ATE1: variants seen among roughly 807,000 people sequenced by gnomAD.
ATE1 encodes the protein arginyl-tRNA--protein transferase 1.
A neutral mutation model predicts 70.5 loss-of-function variants in ATE1; 36 were observed. That is an observed-to-expected ratio of 0.51 (90% confidence interval 0.39 to 0.67). The LOEUF (loss-of-function observed/expected upper bound fraction) is 0.67. Among genes scored for constraint, ATE1 ranks in the 30% least tolerant of loss-of-function variants. The pLI is 0.00. For synonymous variants in ATE1, 232 were observed against 219.3 expected (o/e 1.06, Z -0.51); for missense variants, 593 against 629.5 (o/e 0.94, Z 0.62).
At chr10:121,914,993 G>A (rs1490113464) in intron 3 of ATE1, among the ~76,000 whole-genome samples, 5 of 152,112 alleles carry the variant, frequency 3.3e-5, no homozygotes, top group Admixed American at 2.6e-4. Flanking sequence ...AAGACCCACA[G>A]TAAACCAAAC....
chr10:121,907,634 T>C (rs1419012145), intron 5 of ATE1, among the ~76,000 whole-genome samples: 1 of 151,426 alleles, frequency 6.6e-6, no homozygotes, highest in African/African-American at 2.4e-5. Flanking sequence ...ATTAGCATGG[T>C]GGTGGGCGCC....
At chr10:121,840,568 T>C (rs576643701) in intron 9 of ATE1, among the ~76,000 whole-genome samples, 1 of 152,156 alleles carries the variant, frequency 6.6e-6, no homozygotes, top group South Asian at 2.1e-4. Context: ...CTTAAATAAA[T>C]GTATAAACAA....
At chr10:121,870,744 T>C (rs1949825499) in intron 7 of ATE1, among the ~76,000 whole-genome samples, 1 of 152,120 alleles carries the variant, frequency 6.6e-6, no homozygotes, top group South Asian at 2.1e-4. Context: ...ATAAACATAT[T>C]ATAGAGGGGG....
intron 10 of ATE1, among the ~76,000 whole-genome samples, chr10:121,803,435 C>G (rs1946973121): frequency 6.6e-6 from 1 of 152,166 alleles, no homozygotes; most frequent in African/African-American, 2.4e-5. Flanking sequence ...GAACCACAAT[C>G]TTAATATTCT....
intron 10 of ATE1, among the ~76,000 whole-genome samples, chr10:121,820,315 T>C (rs1947743294): frequency 6.6e-6 from 1 of 152,166 alleles, no homozygotes; most frequent in Non-Finnish European, 1.5e-5. Flanking sequence ...TTTTGAAGCA[T>C]GCTAGAAACC....
chr10:121,912,935 A>G lies in ATE1; in HGVS notation c.337+855T>C, dbSNP rs1289662813. 2.2e-5 allele frequency among the ~76,000 whole-genome samples: 3 copies of G among 137,750 alleles called. No individual in the cohort carries two copies. The East Asian group carries it at 6.8e-4, about 31-fold the overall frequency. The allele number at this position is 137,750 out of a possible 152,430, so 90.4% of individuals were successfully genotyped here. A position where few individuals can be genotyped will look rare whatever the true frequency, so the allele number is the denominator to read the frequency against. ...TGCTCTGTCACCCACGCTGGAGTGC[A>G]GTGGCACAATGTCGGCTCACTGCAA... On this transcript the variant is annotated intron_variant, in intron 4 of 11. Transcript: ENST00000224652.
intron 9 of ATE1, among the ~76,000 whole-genome samples, chr10:121,839,237 T>C (rs73364419): frequency 0.033 from 4,971 of 152,262 alleles, 155 homozygotes; most frequent in African/African-American, 0.082. Context: ...TACAAGGTGA[T>C]CAATAGAACT....
chr10:121,799,698 G>A (rs1178748664), intron 10 of ATE1, among the ~76,000 whole-genome samples: 1 of 152,174 alleles, frequency 6.6e-6, no homozygotes, highest in East Asian at 1.9e-4. Context: ...CTGAACAAAT[G>A]CCAATTTCCA....
At chr10:121,928,292 G>C, upstream of ATE1, 1 of 1,492,670 alleles carries the variant, frequency 6.7e-7, no homozygotes, top group Non-Finnish European at 8.9e-7. Context: ...TTCCCCCGCC[G>C]AGGGCCTGTG....
chr10:121,923,500 T>C (rs183908159), intron 2 of ATE1, among the ~76,000 whole-genome samples: 3 of 152,064 alleles, frequency 2.0e-5, no homozygotes, highest in Admixed American at 6.6e-5. Flanking sequence ...AAAAAAAAAG[T>C]TCCTTATCAT....
chr10:121,906,040 G>A (rs1951177248), intron 5 of ATE1, among the ~76,000 whole-genome samples: 1 of 152,116 alleles, frequency 6.6e-6, no homozygotes, highest in African/African-American at 2.4e-5. Flanking sequence ...GAGTTTAGGA[G>A]ACCTACATAA....
At position 121,885,563 on chromosome 10, in the gene ATE1, G is replaced by A. The variant is rs1264736801; in HGVS notation, c.942+14303C>T. Among the ~76,000 whole-genome samples the A allele has an allele frequency of 3.7e-4, 16 of 42,900 alleles. 1 individual carries two copies. Among genetic ancestry groups the A allele is most frequent in the Admixed American group, 3.3e-3 (12 of 3,590 alleles). 28.1% of individuals were successfully genotyped at this position (42,900 alleles called of 152,430 possible). ...CCAGCCTGGGTGACAGCAAGACTCC[G>A]TCTCAAAAAAAAAAAAAAAAAAACA... On this transcript the variant is annotated intron_variant, in intron 7 of 11. Coordinates refer to ENST00000224652, the MANE Select transcript of ATE1 (RefSeq NM_001001976.3).
chr10:121,809,328 T>TG (rs1410420449), intron 10 of ATE1, among the ~76,000 whole-genome samples: 1 of 149,990 alleles, frequency 6.7e-6, no homozygotes, highest in African/African-American at 2.4e-5. Context: ...AAGCACCCAA[T>TG]GACAAGAGCA....
intron 3 of ATE1, among the ~76,000 whole-genome samples, chr10:121,914,811 T>C (rs1283413006): frequency 6.6e-6 from 1 of 152,078 alleles, no homozygotes; most frequent in South Asian, 2.1e-4. Flanking sequence ...ACGGCTTAAA[T>C]AAAAGTGTAC....
intron 11 of ATE1, among the ~76,000 whole-genome samples, chr10:121,766,321 C>G (rs1166683741): frequency 2.0e-5 from 3 of 152,134 alleles, no homozygotes; most frequent in Non-Finnish European, 4.4e-5. Context: ...TCCTAACTAG[C>G]AGGCAACCAT....
intron 11 of ATE1, among the ~76,000 whole-genome samples, chr10:121,786,984 C>T (rs1056736957): frequency 1.2e-4 from 19 of 152,066 alleles, no homozygotes; most frequent in Non-Finnish European, 4.4e-5. Flanking sequence ...GGCAGAAGTC[C>T]TGCATTGAAA....
At chr10:121,883,968 T>C (rs532105545) in intron 7 of ATE1, among the ~76,000 whole-genome samples, 24 of 151,620 alleles carry the variant, frequency 1.6e-4, no homozygotes, top group Non-Finnish European at 2.8e-4. Flanking sequence ...AGCCGGGCGG[T>C]AGTGGCGAGC....
chr10:121,864,287 T>TA (rs774265888), intron 8 of ATE1, among the ~76,000 whole-genome samples: 8 of 152,206 alleles, frequency 5.3e-5, no homozygotes, highest in Non-Finnish European at 1.2e-4. Flanking sequence ...CATCAGGCAT[T>TA]AGATTCTCAT....
Position 121,761,272 on chromosome 10 carries a change from C to A in ATE1, c.1379-17414G>T, listed in dbSNP as rs367635655. Among the ~76,000 whole-genome samples the A allele has an allele frequency of 1.1e-4, 17 of 152,276 alleles. No individual in the cohort carries two copies. In the East Asian group the frequency reaches 2.7e-3, roughly 24 times the overall value. Reference sequence around the variant, plus strand: ...ACCTCCTCTTTATAAACTACCCAGCCTCAGATACTCCTTTACAGCAACACC... The same window carrying A: ...ACCTCCTCTTTATAAACTACCCAGCATCAGATACTCCTTTACAGCAACACC... On this transcript the variant is annotated intron_variant, in intron 11 of 11. Coordinates refer to ENST00000224652, the MANE Select transcript of ATE1 (RefSeq NM_001001976.3).
Sources: allele counts gnomAD v4.1 joint callset (sites outside exome capture counted in the v4.1 genomes callset), GRCh38; gene constraint gnomAD v4.1.1; transcripts MANE v1.5; gene names NCBI Gene and HGNC (gene_info 2026-07-23, HGNC 2026-07-21).